The following ZNF804A variants were observed in gnomAD, a reference collection of about 807,000 sequenced individuals.
ZNF804A encodes zinc finger protein 804A.
ZNF804A carries 2 observed loss-of-function variants against 16.5 expected under a neutral mutation model. The ratio of observed to expected loss-of-function variants is 0.12; its 90% CI spans 0.05 to 0.38. The LOEUF (loss-of-function observed/expected upper bound fraction) is 0.38. ZNF804A is among the 10% of genes least tolerant of loss of function. The pLI, the probability that ZNF804A is intolerant of heterozygous loss-of-function variation, is 0.99. For missense variants in ZNF804A, 1,473 were observed against 1,390.7 expected (o/e 1.06, Z -0.94); for synonymous variants, 534 against 489.6 (o/e 1.09, Z -1.20).
chr2:184,672,356 T>C (rs1413192494), intron 1 of ZNF804A, among the ~76,000 whole-genome samples: 1 of 152,232 alleles, frequency 6.6e-6, no homozygotes, highest in Non-Finnish European at 1.5e-5. Context: ...CTCAGAGAGA[T>C]GACTGATCCA....
At chr2:184,624,816 A>G (rs1364734113) in intron 1 of ZNF804A, among the ~76,000 whole-genome samples, 1 of 152,186 alleles carries the variant, frequency 6.6e-6, no homozygotes, top group African/African-American at 2.4e-5. Flanking sequence ...ATAACCATGA[A>G]GAATAGCAGC....
intron 1 of ZNF804A, among the ~76,000 whole-genome samples, chr2:184,769,271 G>A (rs186653565): frequency 1.3e-5 from 2 of 152,126 alleles, no homozygotes; most frequent in East Asian, 3.9e-4. Flanking sequence ...CTTGCAAAAT[G>A]TAAGTTCTGG....
chr2:184,710,614 C>T (rs1210084652), intron 1 of ZNF804A, among the ~76,000 whole-genome samples: 1 of 151,704 alleles, frequency 6.6e-6, no homozygotes, highest in Non-Finnish European at 1.5e-5. Flanking sequence ...GTCTCTAGAA[C>T]TTATTCATCT....
chr2:184,874,601 CT>C (rs1696024485), intron 2 of ZNF804A, among the ~76,000 whole-genome samples: 1 of 152,212 alleles, frequency 6.6e-6, no homozygotes, highest in African/African-American at 2.4e-5. Context: ...AATATCTCCC[CT>C]GTTCAGTAAT....
intron 1 of ZNF804A, among the ~76,000 whole-genome samples, chr2:184,823,680 T>G (rs1695118797): frequency 6.6e-6 from 1 of 152,174 alleles, no homozygotes; most frequent in Admixed American, 6.6e-5. Context: ...ACATGCTGTG[T>G]TTTCCTTCAG....
chr2:184,682,729 C>T (rs72899961), intron 1 of ZNF804A, among the ~76,000 whole-genome samples: 7,908 of 152,232 alleles, frequency 0.052, 263 homozygotes, highest in Non-Finnish European at 0.077. Flanking sequence ...CATGGGTTTC[C>T]ACCCCCGGTA....
chr2:184,645,814 T>C (rs1180560323), intron 1 of ZNF804A, among the ~76,000 whole-genome samples: 1 of 152,154 alleles, frequency 6.6e-6, no homozygotes, highest in African/African-American at 2.4e-5. Context: ...GTGAAGGACA[T>C]CCCAGGTCCC....
chr2:184,743,878 G>A (rs1188793766), intron 1 of ZNF804A, among the ~76,000 whole-genome samples: 2 of 151,950 alleles, frequency 1.3e-5, no homozygotes, highest in Admixed American at 6.6e-5. Flanking sequence ...AAACAGACAT[G>A]AAGTATAAAA....
chr2:184,757,775 C>A (rs1463205709), intron 1 of ZNF804A, among the ~76,000 whole-genome samples: 1 of 151,874 alleles, frequency 6.6e-6, no homozygotes, highest in Non-Finnish European at 1.5e-5. Context: ...CCATGAGATT[C>A]AAAGTGATTA....
At chr2:184,884,506 A>T (rs1008113530) in intron 2 of ZNF804A, among the ~76,000 whole-genome samples, 4 of 147,000 alleles carry the variant, frequency 2.7e-5, no homozygotes, top group African/African-American at 1.0e-4. Flanking sequence ...AACCCTACTT[A>T]AAAAAAAAAT....
intron 1 of ZNF804A, among the ~76,000 whole-genome samples, chr2:184,827,436 CAT>C (rs1037748239): frequency 8.3e-5 from 12 of 145,414 alleles, no homozygotes; most frequent in African/African-American, 2.7e-4. Flanking sequence ...TTATATAAAA[CAT>C]AATATATAAA....
chr2:184,758,519 G>C (rs1460975829), intron 1 of ZNF804A, among the ~76,000 whole-genome samples: 1 of 151,902 alleles, frequency 6.6e-6, no homozygotes, highest in Non-Finnish European at 1.5e-5. Context: ...TTGTAATAAT[G>C]CTAGGATTTC....
chr2:184,685,031 C>A (rs1023542062), intron 1 of ZNF804A, among the ~76,000 whole-genome samples: 5 of 152,080 alleles, frequency 3.3e-5, no homozygotes. Flanking sequence ...GCTCGTGTAA[C>A]CAGCCTGGAT....
intron 1 of ZNF804A, among the ~76,000 whole-genome samples, chr2:184,710,833 G>C (rs201012793): frequency 6.6e-6 from 1 of 151,672 alleles, no homozygotes; most frequent in Admixed American, 6.6e-5. Flanking sequence ...CATATGGTAC[G>C]ATTTCCTTCT....
chr2:184,721,049 A>G (rs1693304434), intron 1 of ZNF804A, among the ~76,000 whole-genome samples: 1 of 152,196 alleles, frequency 6.6e-6, no homozygotes, highest in South Asian at 2.1e-4. Flanking sequence ...CATATACAGA[A>G]TAATAAATCT....
In ZNF804A at chr2:184,882,052, C is replaced by T. The variant is rs560361392; in HGVS notation, c.255+15540C>T. Among the ~76,000 whole-genome samples the T allele has an allele frequency of 8.9e-4, 136 of 151,986 alleles. 5 individuals are homozygous for T. Among genetic ancestry groups the T allele is most frequent in the Admixed American group, 2.9e-3 (44 of 15,246 alleles). On this transcript the variant is annotated intron_variant, in intron 2 of 3. Transcript: ENST00000302277. ...TGCTGGTTTCAAGAGATCCATCTCA[C>T]GTGCACTGACACACATACACTCAAA...
intron 2 of ZNF804A, among the ~76,000 whole-genome samples, chr2:184,883,131 G>T (rs953270831): frequency 6.6e-6 from 1 of 151,850 alleles, no homozygotes; most frequent in East Asian, 1.9e-4. Flanking sequence ...AATACAAAAA[G>T]ATCTTCAGAG....
At chr2:184,727,346 A>G (rs1309267947) in intron 1 of ZNF804A, among the ~76,000 whole-genome samples, 1 of 151,638 alleles carries the variant, frequency 6.6e-6, no homozygotes, top group Non-Finnish European at 1.5e-5. Context: ...AAATTTAATC[A>G]AAGCAATTAA....
intron 1 of ZNF804A, among the ~76,000 whole-genome samples, chr2:184,601,909 C>CA (rs1160520323): frequency 6.6e-6 from 1 of 151,608 alleles, no homozygotes; most frequent in African/African-American, 2.4e-5. Context: ...TTATAATCTT[C>CA]AAAAAAATCA....
Sources: gnomAD v4.1 joint callset for allele counts (sites outside exome capture counted in the v4.1 genomes callset) on GRCh38, gnomAD v4.1.1 for gene constraint, MANE v1.5 for transcripts, NCBI Gene and HGNC (gene_info 2026-07-23, HGNC 2026-07-21) for gene names.